The following ANKFN1 variants were observed in gnomAD, a reference collection of about 807,000 sequenced individuals.
ANKFN1 encodes the protein ankyrin repeat and fibronectin type-III domain-containing protein 1.
In ANKFN1, 74 loss-of-function variants were observed where a neutral mutation model predicts 108.7. That is an observed-to-expected ratio of 0.68 (90% CI 0.56 to 0.83). The LOEUF is 0.83. ANKFN1 is among the 40% of genes least tolerant of loss of function. ANKFN1 has a pLI of 0.00. For synonymous variants in ANKFN1, 547 were observed against 516.2 expected, an observed-to-expected ratio of 1.06 and a Z score of -0.81; for missense variants, 1,505 against 1,382.3, an observed-to-expected ratio of 1.09 and a Z score of -1.41.
At chr17:56,482,896 C>G (rs2050756770) in intron 18 of ANKFN1, among the ~76,000 whole-genome samples, 1 of 152,064 alleles carries the variant, frequency 6.6e-6, no homozygotes, top group African/African-American at 2.4e-5. Context: ...CCTTCCCTCT[C>G]TCTCCCCACT....
intron 8 of ANKFN1, among the ~76,000 whole-genome samples, chr17:56,434,074 C>A (rs1209358081): frequency 6.6e-6 from 1 of 152,018 alleles, no homozygotes; most frequent in Admixed American, 6.6e-5. Context: ...AATATAATAA[C>A]TATTAGGAGA....
At chr17:56,154,869 TG>T (rs1471083376) in intron 1 of ANKFN1, among the ~76,000 whole-genome samples, 1 of 151,416 alleles carries the variant, frequency 6.6e-6, no homozygotes, top group Non-Finnish European at 1.5e-5. Context: ...ACTAGTCTTG[TG>T]GTCAGAAGAC....
chr17:56,177,459 A>G (rs1198085308), intron 1 of ANKFN1, among the ~76,000 whole-genome samples: 1 of 152,228 alleles, frequency 6.6e-6, no homozygotes, highest in Non-Finnish European at 1.5e-5. Context: ...AGCCAAGTAC[A>G]AGCTGGAGAC....
intron 1 of ANKFN1, among the ~76,000 whole-genome samples, chr17:56,170,774 T>TATATATATATATATA: frequency 1.5e-5 from 1 of 68,108 alleles, no homozygotes; most frequent in African/African-American, 8.1e-5. Flanking sequence ...AAAAAATTTT[T>TATATATATATATATA]TATATATATA....
At chr17:56,122,643 C>G (rs140101020) in intron 4 of ANKFN1, among the ~76,000 whole-genome samples, 2 of 152,160 alleles carry the variant, frequency 1.3e-5, no homozygotes, top group Non-Finnish European at 2.9e-5. Context: ...CTGCTTCTTC[C>G]GCCCCTGACC....
At chr17:56,160,468 G>T (rs570791792) in intron 1 of ANKFN1, among the ~76,000 whole-genome samples, 1 of 150,434 alleles carries the variant, frequency 6.6e-6, no homozygotes, top group Admixed American at 6.6e-5. Flanking sequence ...TACATTCAGC[G>T]GTCTGTTTGC....
rs577827329 is a variant in ANKFN1 at position 56,446,169 on chromosome 17, C to A, written c.1100-2910C>A. Among the ~76,000 whole-genome samples, 287 of 152,214 alleles carry A rather than the reference C, an allele frequency of 1.9e-3. 1 individual carries two copies. Among genetic ancestry groups the A allele is most frequent in the Non-Finnish European group, 2.8e-3 (188 of 68,002 alleles). On this transcript the variant is annotated intron_variant, in intron 10 of 20. Coordinates refer to ENST00000682825, the MANE Select transcript of ANKFN1 (RefSeq NM_001370326.1). Reference sequence around the variant, plus strand: ...TATCATAAAGTAATCAGATGGAGCTCGCCTCTGATGTAATAGGGCTGAAAG... The same window carrying A: ...TATCATAAAGTAATCAGATGGAGCTAGCCTCTGATGTAATAGGGCTGAAAG...
At chr17:56,281,498 A>T (rs998714623) in intron 3 of ANKFN1, among the ~76,000 whole-genome samples, 4 of 152,212 alleles carry the variant, frequency 2.6e-5, no homozygotes, top group Non-Finnish European at 4.4e-5. Flanking sequence ...GGACACAAAA[A>T]GTACTACCCA....
At chr17:56,189,859 A>G (rs867723835) in intron 1 of ANKFN1, among the ~76,000 whole-genome samples, 15 of 152,160 alleles carry the variant, frequency 9.9e-5, no homozygotes, top group African/African-American at 3.6e-4. Context: ...TGTGGTTTCA[A>G]TGGAACAAAA....
intron 18 of ANKFN1, among the ~76,000 whole-genome samples, chr17:56,485,509 C>A (rs911160405): frequency 6.6e-6 from 1 of 152,118 alleles, no homozygotes; most frequent in Non-Finnish European, 1.5e-5. Context: ...GGAGCTAGAC[C>A]ATGCAGGGCC....
chr17:56,092,266 A>ATTTTTTTTT (rs748898792), intron 4 of ANKFN1, among the ~76,000 whole-genome samples: 18 of 111,372 alleles, frequency 1.6e-4, no homozygotes, highest in African/African-American at 6.0e-4. Context: ...GTGAGGTAGT[A>ATTTTTTTTT]TTTTTTTTTT....
At chr17:56,300,010 G>A (rs532777161) in intron 3 of ANKFN1, among the ~76,000 whole-genome samples, 119 of 152,270 alleles carry the variant, frequency 7.8e-4, no homozygotes, top group African/African-American at 2.5e-3. Flanking sequence ...TGTACTTAAG[G>A]CAAGTGCGAG....
chr17:56,230,935 C>T (rs1388990632), intron 3 of ANKFN1, among the ~76,000 whole-genome samples: 1 of 151,868 alleles, frequency 6.6e-6, no homozygotes, highest in Non-Finnish European at 1.5e-5. Flanking sequence ...CCTGACTGCT[C>T]CAGAAAAAGA....
intron 3 of ANKFN1, among the ~76,000 whole-genome samples, chr17:56,249,674 C>T (rs1258627941): frequency 6.6e-6 from 1 of 152,100 alleles, no homozygotes; most frequent in African/African-American, 2.4e-5. Flanking sequence ...TATGTATTGT[C>T]CCAGGGATGC....
chr17:56,175,140 G>A (rs770762458), intron 1 of ANKFN1, among the ~76,000 whole-genome samples: 1 of 152,086 alleles, frequency 6.6e-6, no homozygotes, highest in Non-Finnish European at 1.5e-5. Flanking sequence ...ATGTCTGCAG[G>A]ATTTTACTTA....
chr17:56,510,843 C>G lies in ANKFN1; in HGVS notation c.3015C>G (p.His1005Gln). The change falls in exon 21 of 21, where the codon CAC becomes CAG. Residue 1005 changes from histidine to glutamine, a missense_variant. Transcript: ENST00000682825. ...TGGGAAAGCGGAAGCCAGGCAAGCA[C>G]CCCCACTATGGCGGCTTCAGCCGCC... Reference protein sequence around the residue: ...GFLGKRKPGKHPHYGGFSRHH... With the variant: ...GFLGKRKPGKQPHYGGFSRHH... 1 of 1,536,172 alleles carries G rather than the reference C, an allele frequency of 6.5e-7. No homozygotes were observed. The highest frequency in any genetic ancestry group is 8.7e-7 in the Non-Finnish European group (1 of 1,146,912).
At chr17:56,506,414 G>A (rs980926349) in intron 20 of ANKFN1, among the ~76,000 whole-genome samples, 2 of 152,134 alleles carry the variant, frequency 1.3e-5, no homozygotes, top group Non-Finnish European at 2.9e-5. Context: ...GAGAGGCCAT[G>A]AGAAGTCAGA....
chr17:56,174,983 G>A (rs1323578008), intron 1 of ANKFN1, among the ~76,000 whole-genome samples: 1 of 151,916 alleles, frequency 6.6e-6, no homozygotes, highest in East Asian at 1.9e-4. Flanking sequence ...CTCTCTCTGT[G>A]CCATAATTTC....
intron 3 of ANKFN1, chr17:56,253,983 C>T (rs1237795488): frequency 6.6e-6 from 1 of 152,144 alleles, no homozygotes; most frequent in East Asian, 1.9e-4. Flanking sequence ...TTAACAACGA[C>T]TGTGAGATGG....
Sources: allele counts gnomAD v4.1 joint callset (sites outside exome capture counted in the v4.1 genomes callset), GRCh38; gene constraint gnomAD v4.1.1; transcripts MANE v1.5; gene names NCBI Gene and HGNC (gene_info 2026-07-23, HGNC 2026-07-21).